Variants in CADM2 observed in about 807,000 individuals in gnomAD.
The protein encoded by CADM2 is immunoglobulin superfamily member 4D.
A neutral mutation model predicts 49.8 loss-of-function variants in CADM2; 12 were observed. The ratio of observed to expected loss-of-function variants is 0.24; its 90% CI spans 0.15 to 0.39. The LOEUF (loss-of-function observed/expected upper bound fraction) is 0.39, where lower values mean the gene tolerates loss of function less well. Among genes scored for constraint, CADM2 ranks in the 10% least tolerant of loss-of-function variants. The pLI is 1.00. For missense variants in CADM2, 378 were observed against 492.3 expected (o/e 0.77, Z 2.20); for synonymous variants, 214 against 175.4 (o/e 1.22, Z -1.74).
At chr3:85,767,280 G>A (rs1259239956) in intron 2 of CADM2, among the ~76,000 whole-genome samples, 1 of 152,164 alleles carries the variant, frequency 6.6e-6, no homozygotes, top group Non-Finnish European at 1.5e-5. Context: ...GCATAAGCCA[G>A]AAGGATACTG....
chr3:85,124,945 A>C (rs1575926252), intron 1 of CADM2, among the ~76,000 whole-genome samples: 1 of 152,320 alleles, frequency 6.6e-6, no homozygotes, highest in Non-Finnish European at 1.5e-5. Flanking sequence ...AACCATTATA[A>C]GTTAGGGCCA....
chr3:85,062,425 A>G (rs771446196), intron 1 of CADM2, among the ~76,000 whole-genome samples: 2 of 152,076 alleles, frequency 1.3e-5, no homozygotes, highest in Non-Finnish European at 1.5e-5. Context: ...TATGATCTTT[A>G]AAATTATTTT....
chr3:86,058,806 T>C (rs761339755), intron 8 of CADM2, among the ~76,000 whole-genome samples: 1 of 151,892 alleles, frequency 6.6e-6, no homozygotes, highest in Non-Finnish European at 1.5e-5. Flanking sequence ...TAAAAAAATT[T>C]TACATGGTCA....
At chr3:85,989,505 A>G (rs943311195) in intron 8 of CADM2, among the ~76,000 whole-genome samples, 1 of 152,136 alleles carries the variant, frequency 6.6e-6, no homozygotes, top group Non-Finnish European at 1.5e-5. Flanking sequence ...AATTCATCTG[A>G]AAATCAAGGT....
chr3:85,077,572 T>G (rs1227392425), intron 1 of CADM2, among the ~76,000 whole-genome samples: 1 of 152,096 alleles, frequency 6.6e-6, no homozygotes, highest in Non-Finnish European at 1.5e-5. Flanking sequence ...ACTGATTTAT[T>G]TAATAAGTAT....
chr3:85,059,506 A>G (rs1559639627), intron 1 of CADM2, among the ~76,000 whole-genome samples: 1 of 152,174 alleles, frequency 6.6e-6, no homozygotes, highest in Admixed American at 6.5e-5. Flanking sequence ...ATTCCTGGTG[A>G]CAAATACAGT....
chr3:86,017,774 G>C (rs985089214), intron 8 of CADM2, among the ~76,000 whole-genome samples: 2 of 149,526 alleles, frequency 1.3e-5, no homozygotes, highest in African/African-American at 4.9e-5. Context: ...GATTTCTTTT[G>C]TGTGCTAAAT....
At chr3:85,661,309 C>A (rs1302116939) in intron 1 of CADM2, among the ~76,000 whole-genome samples, 1 of 152,068 alleles carries the variant, frequency 6.6e-6, no homozygotes, top group Admixed American at 6.6e-5. Context: ...GACTAGCTTC[C>A]TTTGTAGATC....
chr3:86,012,842 G>A (rs1731709082), intron 8 of CADM2: 3 of 533,802 alleles, frequency 5.6e-6, no homozygotes, highest in Non-Finnish European at 1.0e-5. Flanking sequence ...GGGAGCGGTG[G>A]CGGGCGCCTG....
chr3:85,780,682 A>T (rs2070591271), intron 2 of CADM2, among the ~76,000 whole-genome samples: 1 of 152,084 alleles, frequency 6.6e-6, no homozygotes, highest in East Asian at 1.9e-4. Context: ...TCTTTTATAA[A>T]CCTTATTTTC....
At chr3:85,226,548 G>T (rs2042165765) in intron 1 of CADM2, among the ~76,000 whole-genome samples, 1 of 150,710 alleles carries the variant, frequency 6.6e-6, no homozygotes, top group Non-Finnish European at 1.5e-5. Context: ...GGTCTATTTT[G>T]TTGATCTTTT....
At chr3:85,473,708 C>G (rs535441708) in intron 1 of CADM2, among the ~76,000 whole-genome samples, 2 of 152,108 alleles carry the variant, frequency 1.3e-5, no homozygotes, top group African/African-American at 4.8e-5. Context: ...TAGTGAAGAA[C>G]TTTGTGTTAT....
intron 1 of CADM2, among the ~76,000 whole-genome samples, chr3:85,605,820 C>T (rs1352144321): frequency 6.6e-6 from 1 of 152,070 alleles, no homozygotes; most frequent in Admixed American, 6.6e-5. Flanking sequence ...CTTTGCTAAA[C>T]CTGATTTCAG....
chr3:85,737,230 A>G (rs1256787047), intron 2 of CADM2, among the ~76,000 whole-genome samples: 1 of 152,156 alleles, frequency 6.6e-6, no homozygotes, highest in African/African-American at 2.4e-5. Context: ...AGATAAGAAG[A>G]TAAGATCTTC....
intron 1 of CADM2, among the ~76,000 whole-genome samples, chr3:85,292,373 A>G (rs2106940640): frequency 6.6e-6 from 1 of 150,716 alleles, no homozygotes; most frequent in South Asian, 2.1e-4. Context: ...AACATTAGAC[A>G]GATCAACGAG....
intron 1 of CADM2, among the ~76,000 whole-genome samples, chr3:85,527,914 CTATTT>C (rs1215919097): frequency 6.6e-6 from 1 of 152,030 alleles, no homozygotes; most frequent in Non-Finnish European, 1.5e-5. Flanking sequence ...TTCTTTTAGT[CTATTT>C]TGAGTTCAGT....
At chr3:85,356,734 A>G (rs1328917792) in intron 1 of CADM2, among the ~76,000 whole-genome samples, 2 of 152,120 alleles carry the variant, frequency 1.3e-5, no homozygotes, top group African/African-American at 4.8e-5. Context: ...TTTTCCATTT[A>G]CATTTGAATT....
intron 1 of CADM2, among the ~76,000 whole-genome samples, chr3:85,380,128 A>G (rs1369863268): frequency 6.6e-6 from 1 of 152,008 alleles, no homozygotes; most frequent in Non-Finnish European, 1.5e-5. Flanking sequence ...AATATAGATT[A>G]TTAAATGTTA....
At chr3:85,599,058 A>C (rs1354047239) in intron 1 of CADM2, among the ~76,000 whole-genome samples, 1 of 151,904 alleles carries the variant, frequency 6.6e-6, no homozygotes, top group African/African-American at 2.4e-5. Context: ...TGCACAAAGA[A>C]CTATTGTCTC....
Sources: gnomAD v4.1 joint callset for allele counts (sites outside exome capture counted in the v4.1 genomes callset) on GRCh38, gnomAD v4.1.1 for gene constraint, MANE v1.5 for transcripts, NCBI Gene and HGNC (gene_info 2026-07-23, HGNC 2026-07-21) for gene names.